SASH1: variants seen among roughly 807,000 people sequenced by gnomAD.
SASH1 encodes the protein SAM and SH3 domain-containing protein 1.
SASH1 carries 44 observed loss-of-function variants against 125.2 expected under a neutral mutation model. The observed-to-expected ratio is 0.35, with a 90% CI of 0.28 to 0.45. SASH1 has a LOEUF of 0.45. Among genes scored for constraint, SASH1 ranks in the 20% least tolerant of loss-of-function variants. The probability of loss-of-function intolerance (pLI) is 1.00; values close to 1 mark genes in which losing one functional copy is unlikely to be tolerated. For missense variants in SASH1, 1,426 were observed against 1,614.5 expected, an observed-to-expected ratio of 0.88 and a Z score of 2.00; for synonymous variants, 639 against 649.1, an observed-to-expected ratio of 0.98 and a Z score of 0.24.
chr6:148,353,265 A>C (rs528753266), intron 1 of SASH1, among the ~76,000 whole-genome samples: 1 of 151,266 alleles, frequency 6.6e-6, no homozygotes, highest in African/African-American at 2.4e-5. Flanking sequence ...CTAGCATTGG[A>C]GGGGTCTCTT....
chr6:148,310,247 A>C (rs1262718791), intron 1 of SASH1, among the ~76,000 whole-genome samples: 1 of 152,132 alleles, frequency 6.6e-6, no homozygotes, highest in African/African-American at 2.4e-5. Flanking sequence ...TCTTGAACCC[A>C]GGAGACGGAG....
intron 4 of SASH1, among the ~76,000 whole-genome samples, chr6:148,449,078 C>CTTTTTCTTTTTTTTTTTTT: frequency 3.4e-5 from 3 of 88,704 alleles, no homozygotes; most frequent in Non-Finnish European, 4.6e-5. Flanking sequence ...CATTTCATTT[C>CTTTTTCTTTTTTTTTTTTT]TTTTTTTTTT....
intron 4 of SASH1, among the ~76,000 whole-genome samples, chr6:148,460,454 A>G (rs1777562941): frequency 6.6e-6 from 1 of 152,200 alleles, no homozygotes; most frequent in South Asian, 2.1e-4. Flanking sequence ...AGAATTAAAG[A>G]TTAGATGGTA....
chr6:148,198,279 A>T, the SASH1 span, among the ~76,000 whole-genome samples: 1 of 152,168 alleles, frequency 6.6e-6, no homozygotes, highest in Non-Finnish European at 1.5e-5. Flanking sequence ...GCCATGTGAA[A>T]CTGTGAGTCA....
At chr6:148,399,252 T>C (rs1784078959) in intron 2 of SASH1, among the ~76,000 whole-genome samples, 1 of 144,670 alleles carries the variant, frequency 6.9e-6, no homozygotes, top group Admixed American at 7.1e-5. Context: ...AGTTTCACTC[T>C]TGTCTGCCAG....
intron 7 of SASH1, among the ~76,000 whole-genome samples, chr6:148,485,453 A>G (rs1004566697): frequency 6.6e-6 from 1 of 152,222 alleles, no homozygotes; most frequent in Admixed American, 6.5e-5. Flanking sequence ...TGAAAGCACA[A>G]TGGTAATAAT....
chr6:148,434,063 A>ATTTT (rs758854072), intron 2 of SASH1, among the ~76,000 whole-genome samples: 2 of 69,360 alleles, frequency 2.9e-5, no homozygotes, highest in Non-Finnish European at 2.6e-5. Context: ...GGAACTGGAG[A>ATTTT]TTTTTTTTTT....
chr6:148,495,064 G>A lies in SASH1; in HGVS notation c.729+7349G>A, dbSNP rs949365879. ...TCTTCAAGCCAGAGGATTTAGTTTC[G>A]AAGTTTTGGAAGGAAAGGTAGTCAC... On this transcript the variant is annotated intron_variant, in intron 8 of 19. Transcript: ENST00000367467. The surrounding 1 kb of genome is among the most constrained non-coding windows in gnomAD (Gnocchi z 4.0). Among the ~76,000 whole-genome samples, 6 of 152,228 alleles carry A rather than the reference G, an allele frequency of 3.9e-5. No individual in the cohort carries two copies. The highest frequency in any genetic ancestry group is 4.1e-4 in the South Asian group (2 of 4,822).
intron 1 of SASH1, among the ~76,000 whole-genome samples, chr6:148,367,655 C>G (rs1434874881): frequency 1.3e-5 from 2 of 152,252 alleles, no homozygotes; most frequent in Non-Finnish European, 2.9e-5. Flanking sequence ...CTGTATCTGG[C>G]CTATGCTTCC....
At chr6:148,209,380 C>T in the SASH1 span, among the ~76,000 whole-genome samples, 3 of 152,128 alleles carry the variant, frequency 2.0e-5, no homozygotes, top group East Asian at 1.9e-4. Flanking sequence ...TATGTGACTG[C>T]GTACCTCTAC....
intron 1 of SASH1, among the ~76,000 whole-genome samples, chr6:148,372,279 T>G (rs1262237857): frequency 6.6e-6 from 1 of 152,220 alleles, no homozygotes; most frequent in Non-Finnish European, 1.5e-5. Context: ...AATATTATGC[T>G]CCTACATTTT....
chr6:148,445,027 A>G (rs542740812), intron 4 of SASH1, among the ~76,000 whole-genome samples: 1 of 152,288 alleles, frequency 6.6e-6, no homozygotes, highest in Admixed American at 6.5e-5. Context: ...GGCACCTGTA[A>G]ACTGTCATGG....
At chr6:148,457,544 A>G (rs9322150) in intron 4 of SASH1, among the ~76,000 whole-genome samples, 24,203 of 152,176 alleles carry the variant, frequency 0.16, 2,544 homozygotes, top group East Asian at 0.52. Context: ...GAATCTCTTC[A>G]TACATACAGC....
At chr6:148,541,104 G>A (rs934903222) in intron 17 of SASH1, among the ~76,000 whole-genome samples, 43 of 152,012 alleles carry the variant, frequency 2.8e-4, no homozygotes, top group African/African-American at 8.9e-4. Context: ...TGGGCTAAAC[G>A]TTACCATGGA....
At chr6:148,223,800 T>C in the SASH1 span, among the ~76,000 whole-genome samples, 1 of 152,182 alleles carries the variant, frequency 6.6e-6, no homozygotes, top group African/African-American at 2.4e-5. Context: ...GATGTGTAGA[T>C]TTATCAATTA....
At chr6:148,271,424 G>A (rs1030094848), upstream of SASH1, among the ~76,000 whole-genome samples, 1 of 152,168 alleles carries the variant, frequency 6.6e-6, no homozygotes, top group African/African-American at 2.4e-5. Flanking sequence ...TGTATTTAAT[G>A]TGACTATCTT....
At chr6:148,421,227 G>GAAAGAAAGAAAGAAAGA (rs1215052788) in intron 2 of SASH1, among the ~76,000 whole-genome samples, 4 of 151,540 alleles carry the variant, frequency 2.6e-5, no homozygotes. Flanking sequence ...AAGAAAGAAA[G>GAAAGAAAGAAAGAAAGA]AAGGAAGTGA....
At chr6:148,354,326 T>C (rs1781845279) in intron 1 of SASH1, among the ~76,000 whole-genome samples, 1 of 152,246 alleles carries the variant, frequency 6.6e-6, no homozygotes, top group Non-Finnish European at 1.5e-5. Context: ...TTTATGTGTC[T>C]AAGTGGCACA....
chr6:148,227,542 G>A, the SASH1 span, among the ~76,000 whole-genome samples: 269 of 152,276 alleles, frequency 1.8e-3, 1 homozygote, highest in African/African-American at 6.3e-3. Flanking sequence ...ATTTTTAGTA[G>A]AGATGGGGTT....
Sources: gnomAD v4.1 joint callset for allele counts (sites outside exome capture counted in the v4.1 genomes callset) on GRCh38, gnomAD v4.1.1 for gene constraint, Gnocchi (gnomAD v3.1) non-coding constraint, MANE v1.5 for transcripts, NCBI Gene and HGNC (gene_info 2026-07-23, HGNC 2026-07-21) for gene names.